The following AREL1 variants were observed in gnomAD, a reference collection of about 807,000 sequenced individuals.
AREL1 encodes the protein apoptosis resistant E3 ubiquitin protein ligase 1, also known as apoptosis-resistant E3 ubiquitin protein ligase 1.
In AREL1, 62 loss-of-function variants were observed where a neutral mutation model predicts 99.0. The observed-to-expected ratio is 0.63, with a 90% CI of 0.51 to 0.77. The LOEUF is 0.77. AREL1 is among the 30% of genes least tolerant of loss of function. AREL1 has a pLI of 0.00. For missense variants in AREL1, 879 were observed against 1,027.6 expected, an observed-to-expected ratio of 0.86 and a Z score of 1.98; for synonymous variants, 380 against 376.5, an observed-to-expected ratio of 1.01 and a Z score of -0.11.
rs1173424984 is a variant in AREL1, at chr14:74,663,370, T to C, written c.*350A>G. On this transcript the variant is annotated 3_prime_UTR_variant, in exon 20 of 20. Coordinates refer to ENST00000356357, the MANE Select transcript of AREL1 (RefSeq NM_001039479.2). ...GGGAGTTTTGGAGCACAGTGTGGAT[T>C]TAAGGGTCTCCACACCAGTTTCCCA... The C allele has an allele frequency of 6.2e-6, 2 of 325,012 alleles. No homozygotes were observed. The highest frequency in any genetic ancestry group is 1.2e-5 in the Non-Finnish European group (2 of 164,948). 20.1% of individuals were successfully genotyped at this position (325,012 alleles called of 1,614,324 possible). A position where few individuals can be genotyped will look rare whatever the true frequency, so the allele number is the denominator to read the frequency against.
At chr14:74,670,221 A>G in intron 13 of AREL1, 95 bp from the exon 14 acceptor site, 1 of 1,302,602 alleles carries the variant, frequency 7.7e-7, no homozygotes, top group Non-Finnish European at 1.0e-6. Context: ...CCAAAGGAAC[A>G]AGATGTCACT....
At chr14:74,710,980 C>A (rs1374023045) in intron 1 of AREL1, among the ~76,000 whole-genome samples, 1 of 152,132 alleles carries the variant, frequency 6.6e-6, no homozygotes, top group African/African-American at 2.4e-5. Flanking sequence ...GCCTGTAATC[C>A]CAGCACTTTG....
intron 1 of AREL1, among the ~76,000 whole-genome samples, chr14:74,705,061 C>T (rs566724195): frequency 6.7e-5 from 10 of 149,236 alleles, no homozygotes; most frequent in South Asian, 2.1e-4. Context: ...TTTTTTGAGA[C>T]GGAGTTTCGC....
chr14:74,673,014 C>T, intron 10 of AREL1, 62 bp from the exon 11 acceptor site: 2 of 1,613,974 alleles, frequency 1.2e-6, no homozygotes, highest in Admixed American at 1.7e-5. Context: ...AGTCCTGCCT[C>T]TCCACCCTCA....
chr14:74,688,752 A>G (rs1377134499), intron 2 of AREL1, among the ~76,000 whole-genome samples: 1 of 152,130 alleles, frequency 6.6e-6, no homozygotes, highest in Non-Finnish European at 1.5e-5. Context: ...CCATGGTCAC[A>G]TTCTGAATTT....
chr14:74,666,752 C>T (rs2089218889), intron 17 of AREL1, among the ~76,000 whole-genome samples: 1 of 139,738 alleles, frequency 7.2e-6, no homozygotes, highest in Non-Finnish European at 1.5e-5. Context: ...CAGAGTCTTA[C>T]TCTGTTGCCC....
In AREL1 at chr14:74,662,399, A is replaced by G; in HGVS notation, c.*1321T>C. The G allele has an allele frequency of 5.1e-6, 2 of 394,128 alleles. No homozygotes were observed. Among genetic ancestry groups the G allele is most frequent in the Non-Finnish European group, 8.9e-6 (2 of 223,478 alleles). The allele number at this position is 394,128 out of a possible 1,614,324, so 24.4% of individuals were successfully genotyped here. The stretch of plus-strand genomic sequence containing the variant: ...TGCCCCATTGGGAATGGTAGCTTGC[A>G]GCAAAGCCTTCTTAAAAACACAAAT... On this transcript the variant is annotated 3_prime_UTR_variant, in exon 20 of 20. Coordinates refer to ENST00000356357, the MANE Select transcript of AREL1 (RefSeq NM_001039479.2).
Position 74,663,335 on chromosome 14 carries a change from T to C in AREL1, c.*385A>G. On this transcript the variant is annotated 3_prime_UTR_variant, in exon 20 of 20. Transcript: ENST00000356357. The stretch of plus-strand genomic sequence containing the variant: ...GGCCAAAGAGGGTGTCTCCAAGGAG[T>C]ATCAGCAGAGGGAGTTTTGGAGCAC... 1 of 283,282 alleles carries C rather than the reference T, an allele frequency of 3.5e-6. No homozygotes were observed. The highest frequency in any genetic ancestry group is 7.1e-6 in the Non-Finnish European group (1 of 141,738). 17.5% of individuals were successfully genotyped at this position (283,282 alleles called of 1,614,324 possible). A position where few individuals can be genotyped will look rare whatever the true frequency, so the allele number is the denominator to read the frequency against.
At chr14:74,667,167 G>T (rs1352320077) in intron 17 of AREL1, 152 bp downstream of exon 17, 15 of 777,144 alleles carry the variant, frequency 1.9e-5, no homozygotes, top group Non-Finnish European at 1.9e-5. Context: ...AAAGGCTGAA[G>T]GGTCAATGAA....
At chr14:74,680,193 G>T (rs1036969189) in intron 5 of AREL1, among the ~76,000 whole-genome samples, 4 of 149,256 alleles carry the variant, frequency 2.7e-5, no homozygotes, top group Non-Finnish European at 1.5e-5. Flanking sequence ...AAGAAAAAAA[G>T]AAAGAAAGAA....
rs2089092096 is a variant in AREL1, at chr14:74,662,032, G to A, written c.*1688C>T. On this transcript the variant is annotated 3_prime_UTR_variant, in exon 20 of 20. Coordinates refer to ENST00000356357, the MANE Select transcript of AREL1 (RefSeq NM_001039479.2). ...TACATATCCCATGGGAAAACATTTGGGCAAGCAGCAGCACCTTGTCCTGGT... is the reference window on the plus strand; with the variant it reads ...TACATATCCCATGGGAAAACATTTGAGCAAGCAGCAGCACCTTGTCCTGGT... The A allele has an allele frequency of 6.5e-6, 1 of 152,748 alleles. No individual in the cohort carries two copies. The highest frequency in any genetic ancestry group is 2.4e-5 in the African/African-American group (1 of 41,442). The allele number at this position is 152,748 out of a possible 1,614,324, so 9.5% of individuals were successfully genotyped here.
Position 74,683,421 on chromosome 14 carries a change from T to C in AREL1, c.356A>G (p.Gln119Arg), listed in dbSNP as rs1418861797. ...TTTTACTACGTTGGAATTGGGCTCC[T>C]GAAGGACTTCCTGGGTCACTGGAAT... ...VEIPVTQEVL[Q>R]EPNSNVVKVA... The change falls in exon 5 of 20, where the codon CAG (glutamine) becomes CGG (arginine). Residue 119 changes from glutamine (Q) to arginine (R), a missense_variant. Physicochemically the swap from Gln to Arg is conservative, Grantham distance 43 (BLOSUM62 1). Coordinates refer to ENST00000356357, the MANE Select transcript of AREL1 (RefSeq NM_001039479.2). The C allele has an allele frequency of 1.9e-6, 3 of 1,614,058 alleles. No individual in the cohort carries two copies. The highest frequency in any genetic ancestry group is 1.7e-5 in the Admixed American group (1 of 60,008).
rs182865908 is a variant in AREL1, at chr14:74,662,344, A to C, written c.*1376T>G. The C allele has an allele frequency of 1.6e-4, 59 of 374,890 alleles. No homozygotes were observed. Among genetic ancestry groups the C allele is most frequent in the Middle Eastern group, 1.3e-3 (2 of 1,486 alleles). 23.2% of individuals were successfully genotyped at this position (374,890 alleles called of 1,614,324 possible). A position where few individuals can be genotyped will look rare whatever the true frequency, so the allele number is the denominator to read the frequency against. On this transcript the variant is annotated 3_prime_UTR_variant, in exon 20 of 20. Coordinates refer to ENST00000356357, the MANE Select transcript of AREL1 (RefSeq NM_001039479.2). Reference sequence around the variant, plus strand: ...TGTGTACTTGCTGGTTTTGGCAATAAAGATGGCTTGTAATATTCTCAGAGT... The same window carrying C: ...TGTGTACTTGCTGGTTTTGGCAATACAGATGGCTTGTAATATTCTCAGAGT...
chr14:74,664,963 A>G, intron 17 of AREL1, 38 bp from the exon 18 acceptor site: 3 of 1,564,496 alleles, frequency 1.9e-6, no homozygotes, highest in Non-Finnish European at 2.6e-6. Flanking sequence ...TGACAGTCAG[A>G]GAGACAAAGA....
chr14:74,676,524 A>G (rs2089480264), intron 6 of AREL1, 59 bp downstream of exon 6: 2 of 1,555,376 alleles, frequency 1.3e-6, no homozygotes, highest in Non-Finnish European at 1.7e-6. Flanking sequence ...AGGTGTGAGA[A>G]TAACAGAGAA....
intron 2 of AREL1, among the ~76,000 whole-genome samples, chr14:74,691,324 TAAAAAAAAAAA>T (rs11407786): frequency 9.6e-5 from 7 of 72,808 alleles, no homozygotes; most frequent in Admixed American, 8.0e-4. Flanking sequence ...TGTCTCCATT[TAAAAAAAAAAA>T]AAAAAAAAAA....
intron 13 of AREL1, 126 bp downstream of exon 13, chr14:74,670,636 A>T: frequency 1.4e-6 from 1 of 729,402 alleles, no homozygotes; most frequent in Non-Finnish European, 2.3e-6. Flanking sequence ...CTTATATTTT[A>T]AGCAGTAAAA....
rs1417317177 is a variant in AREL1 at position 74,663,601 on chromosome 14, G to A, written c.*119C>T. 7.7e-6 allele frequency: 8 copies of A among 1,034,120 alleles called. No homozygotes were observed. In the East Asian group the frequency reaches 1.9e-4, roughly 25 times the overall value. 64.1% of individuals were successfully genotyped at this position (1,034,120 alleles called of 1,614,324 possible). On this transcript the variant is annotated 3_prime_UTR_variant, in exon 20 of 20. Transcript: ENST00000356357. The stretch of plus-strand genomic sequence containing the variant: ...GTGACAAAATCCTCCAGACACAGGG[G>A]AGCATGCGGCATCTTCTGGCTGATG...
In AREL1 at chr14:74,670,076, C is replaced by T; in HGVS notation, c.1659G>A (p.Glu553=). 1 of 1,613,792 alleles carries T rather than the reference C, an allele frequency of 6.2e-7. No homozygotes were observed. The highest frequency in any genetic ancestry group is 8.5e-7 in the Non-Finnish European group (1 of 1,179,762). The change falls in exon 14 of 20, where the codon GAG becomes GAA. Residue 553 remains glutamate (E), a synonymous_variant. Coordinates refer to ENST00000356357, the MANE Select transcript of AREL1 (RefSeq NM_001039479.2). ...RPAHLRLKMY[E]FAGRLVGKCL... is the part of the protein sequence containing the mutation. ...ACTTGCCCACGAGCCGTCCCGCAAA[C>T]TCATACATTTTCAGGCGCAGATGAG...
Sources: allele counts gnomAD v4.1 joint callset (sites outside exome capture counted in the v4.1 genomes callset), GRCh38; gene constraint gnomAD v4.1.1; transcripts MANE v1.5; gene names NCBI Gene and HGNC (gene_info 2026-07-23, HGNC 2026-07-21).